The following KALRN variants were observed in gnomAD, a reference collection of about 807,000 sequenced individuals.
KALRN encodes kalirin.
Under a neutral mutation model 353.7 loss-of-function variants are expected in KALRN, and 70 were observed. That is an observed-to-expected ratio of 0.20 (90% CI 0.16 to 0.24). The LOEUF (loss-of-function observed/expected upper bound fraction) is 0.24, where lower values mean the gene tolerates loss of function less well. Ranked by LOEUF, KALRN falls within the 10% of genes least tolerant of loss-of-function variation. KALRN has a pLI of 1.00. For synonymous variants in KALRN, 1,391 were observed against 1,434.8 expected (o/e 0.97, Z 0.69); for missense variants, 2,791 against 3,756.7 (o/e 0.74, Z 6.72).
chr3:124,173,599 C>T (rs2072209264), intron 1 of KALRN, among the ~76,000 whole-genome samples: 1 of 152,032 alleles, frequency 6.6e-6, no homozygotes, highest in African/African-American at 2.4e-5. Flanking sequence ...AGGAAAGGGA[C>T]CAAGGTTTCC....
intron 17 of KALRN, among the ~76,000 whole-genome samples, chr3:124,437,338 C>G (rs1334629845): frequency 6.6e-6 from 1 of 152,360 alleles, no homozygotes; most frequent in East Asian, 1.9e-4. Context: ...CTTCCTGGGA[C>G]AGCTTTCAGC....
chr3:124,378,166 T>G (rs2086846455), intron 10 of KALRN, among the ~76,000 whole-genome samples: 1 of 152,124 alleles, frequency 6.6e-6, no homozygotes, highest in Admixed American at 6.5e-5. Flanking sequence ...ATTTTTATGA[T>G]CCCATTTGAC....
rs775380051 is a variant in KALRN, at chr3:124,413,544, C to A, written c.2421C>A (p.Thr807=). ...ATGACTTCAACACAGAGGACCTAACCCTGGCAGAACAGCGGCTGCAGCGCC... is the reference window on the plus strand; with the variant it reads ...ATGACTTCAACACAGAGGACCTAACACTGGCAGAACAGCGGCTGCAGCGCC... ...QMNDFNTEDL[T]LAEQRLQRHT... is the part of the protein sequence containing the mutation. Residue 807 remains threonine, a synonymous_variant, in exon 14 of 60, where the codon ACC becomes ACA. Transcript: ENST00000682506. 3 of 1,614,112 alleles carry A rather than the reference C, an allele frequency of 1.9e-6. No homozygotes were observed. The South Asian group carries it at 3.3e-5, about 18-fold the overall frequency.
intron 29 of KALRN, among the ~76,000 whole-genome samples, chr3:124,490,369 G>A (rs1159734283): frequency 6.6e-6 from 1 of 152,222 alleles, no homozygotes; most frequent in Non-Finnish European, 1.5e-5. Context: ...GAGGACAAAG[G>A]AGCTATGGGA....
At chr3:124,647,789 A>C (rs2082946070) in intron 37 of KALRN, among the ~76,000 whole-genome samples, 1 of 152,236 alleles carries the variant, frequency 6.6e-6, no homozygotes, top group Admixed American at 6.5e-5. Flanking sequence ...GGGAGTATGT[A>C]AAGAGTGTCT....
At chr3:124,612,152 G>C (rs1357760076) in intron 34 of KALRN, among the ~76,000 whole-genome samples, 2 of 152,066 alleles carry the variant, frequency 1.3e-5, no homozygotes, top group African/African-American at 4.8e-5. Flanking sequence ...AGCCTCCCAA[G>C]TAGCTGGGAT....
intron 10 of KALRN, among the ~76,000 whole-genome samples, chr3:124,363,910 T>C (rs2084340411): frequency 6.6e-6 from 1 of 152,264 alleles, no homozygotes. Flanking sequence ...AACAGCATGA[T>C]GCTTTGCATT....
intron 34 of KALRN, among the ~76,000 whole-genome samples, chr3:124,577,074 A>T (rs545355133): frequency 3.3e-5 from 5 of 152,268 alleles, no homozygotes; most frequent in Admixed American, 1.3e-4. Context: ...CCTTGTTGCC[A>T]GCAGTTCTTC....
At chr3:124,495,729 T>TAAAAAAAAAAAAAAA (rs1170201040) in intron 32 of KALRN, among the ~76,000 whole-genome samples, 1 of 68,234 alleles carries the variant, frequency 1.5e-5, no homozygotes, top group Non-Finnish European at 2.6e-5. Context: ...GACTCCATCT[T>TAAAAAAAAAAAAAAA]AAAAAAAAAA....
At chr3:124,286,124 T>TTTCTTTCTTTCC (rs2075856693) in intron 5 of KALRN, among the ~76,000 whole-genome samples, 1 of 149,340 alleles carries the variant, frequency 6.7e-6, no homozygotes, top group Non-Finnish European at 1.5e-5. Flanking sequence ...TCTTTCTTTC[T>TTTCTTTCTTTCC]TTCTTTCTTT....
At chr3:124,394,161 C>T (rs1352056656) in intron 11 of KALRN, among the ~76,000 whole-genome samples, 1 of 152,156 alleles carries the variant, frequency 6.6e-6, no homozygotes, top group Non-Finnish European at 1.5e-5. Flanking sequence ...CCATGAGTAA[C>T]GGGAGGAACA....
chr3:124,368,547 G>A (rs1301876530), intron 10 of KALRN, among the ~76,000 whole-genome samples: 2 of 149,062 alleles, frequency 1.3e-5, no homozygotes, highest in Middle Eastern at 3.5e-3. Context: ...ATGGGATGGC[G>A]GCCGGGCGGA....
At chr3:124,674,235 G>A in intron 48 of KALRN, 129 bp from the exon 49 acceptor site, 2 of 820,148 alleles carry the variant, frequency 2.4e-6, no homozygotes, top group Non-Finnish European at 3.9e-6. Context: ...TTACTCAAGA[G>A]AGAATGCTGC....
chr3:124,387,861 G>A (rs1234565242), intron 11 of KALRN, among the ~76,000 whole-genome samples: 1 of 152,108 alleles, frequency 6.6e-6, no homozygotes, highest in African/African-American at 2.4e-5. Flanking sequence ...TCACAGAGGA[G>A]CTGTTCCAGG....
intron 33 of KALRN, among the ~76,000 whole-genome samples, chr3:124,505,473 T>C (rs572819664): frequency 6.6e-6 from 1 of 151,904 alleles, no homozygotes; most frequent in South Asian, 2.1e-4. Context: ...CTACAAAATA[T>C]ATAAACAAAA....
At chr3:124,267,684 G>T (rs2073724606) in intron 4 of KALRN, among the ~76,000 whole-genome samples, 1 of 152,226 alleles carries the variant, frequency 6.6e-6, no homozygotes. Flanking sequence ...CTTAGGAGAG[G>T]GGTGGAAAGA....
chr3:124,158,389 G>A (rs58909630), intron 1 of KALRN, among the ~76,000 whole-genome samples: 3,200 of 152,222 alleles, frequency 0.021, 100 homozygotes, highest in African/African-American at 0.073. Flanking sequence ...TGAGCTGAGC[G>A]TTTCTTCATT....
chr3:124,563,184 A>C, intron 34 of KALRN, 95 bp downstream of exon 34: 221 of 1,249,886 alleles, frequency 1.8e-4, no homozygotes, highest in Middle Eastern at 3.2e-4. Flanking sequence ...GACCTGTCTC[A>C]CAGACCCATT....
At chr3:124,386,724 A>G in intron 11 of KALRN, among the ~76,000 whole-genome samples, 1 of 152,202 alleles carries the variant, frequency 6.6e-6, no homozygotes, top group Non-Finnish European at 1.5e-5. Context: ...TGGTAGTGAT[A>G]ATAAATAATA....
Sources: gnomAD v4.1 joint callset for allele counts (sites outside exome capture counted in the v4.1 genomes callset) on GRCh38, gnomAD v4.1.1 for gene constraint, MANE v1.5 for transcripts, NCBI Gene and HGNC (gene_info 2026-07-23, HGNC 2026-07-21) for gene names.